Variants in SMOC2 observed in about 807,000 individuals in gnomAD.
The protein encoded by SMOC2 is SPARC-related modular calcium-binding protein 2.
Under a neutral mutation model 61.4 loss-of-function variants are expected in SMOC2, and 39 were observed. The ratio of observed to expected loss-of-function variants is 0.64; its 90% CI spans 0.49 to 0.83. SMOC2 has a LOEUF of 0.83. Ranked by LOEUF, SMOC2 falls within the 40% of genes least tolerant of loss-of-function variation. The pLI is 0.00. For missense variants in SMOC2, 556 were observed against 592.9 expected, an observed-to-expected ratio of 0.94 and a Z score of 0.65; for synonymous variants, 247 against 239.9, an observed-to-expected ratio of 1.03 and a Z score of -0.27.
Position 168,457,377 on chromosome 6 carries a change from G to A in SMOC2, c.84+15923G>A, listed in dbSNP as rs571110778. Among the ~76,000 whole-genome samples, 7 of 152,284 alleles carry A rather than the reference G, an allele frequency of 4.6e-5. No individual in the cohort carries two copies. In the South Asian group the frequency reaches 1.5e-3, roughly 32 times the overall value. ...CAACCCCACCTTCAACACAAGCAGT[G>A]CCCGAGGGGCTGGCTGACTGCGATG... is the stretch of plus-strand genomic sequence containing the variant. On this transcript the variant is annotated intron_variant, in intron 1 of 12. Coordinates refer to ENST00000356284, the MANE Select transcript of SMOC2 (RefSeq NM_001166412.2).
At chr6:168,458,063 A>G (rs1322485675) in intron 1 of SMOC2, among the ~76,000 whole-genome samples, 1 of 152,100 alleles carries the variant, frequency 6.6e-6, no homozygotes, top group African/African-American at 2.4e-5. Context: ...CTCCAAAACA[A>G]TTAAGCTCCT....
intron 1 of SMOC2, among the ~76,000 whole-genome samples, chr6:168,476,482 ATG>A (rs5881792): frequency 0.25 from 37,810 of 150,156 alleles, 6,874 homozygotes; most frequent in African/African-American, 0.5. Context: ...GTGTGTGTGT[ATG>A]TGTGTGTGTG....
chr6:168,519,051 G>A (rs1267986211), intron 2 of SMOC2, among the ~76,000 whole-genome samples: 15 of 151,456 alleles, frequency 9.9e-5, no homozygotes, highest in Non-Finnish European at 2.1e-4. Flanking sequence ...GCATGTGTGA[G>A]CATGCATATG....
intron 1 of SMOC2, among the ~76,000 whole-genome samples, chr6:168,470,239 T>C (rs1177009740): frequency 6.6e-6 from 1 of 152,252 alleles, no homozygotes; most frequent in Non-Finnish European, 1.5e-5. Context: ...CAGTCTCTGC[T>C]GTGAGTCCTT....
rs553534536 is a variant in SMOC2 at position 168,574,704 on chromosome 6, G to T, written c.638-24114G>T. Among the ~76,000 whole-genome samples, 10 of 152,236 alleles carry T rather than the reference G, an allele frequency of 6.6e-5. No homozygotes were observed. The South Asian group carries it at 2.1e-3, about 32-fold the overall frequency. On this transcript the variant is annotated intron_variant, in intron 7 of 12. Coordinates refer to ENST00000356284, the MANE Select transcript of SMOC2 (RefSeq NM_001166412.2). ...GGGTGACAGCACAGGATGAGGTGCA[G>T]ACCCATCCCGAACTGCCGGACTCGG...
intron 9 of SMOC2, among the ~76,000 whole-genome samples, chr6:168,648,634 C>T (rs180917782): frequency 1.0e-3 from 157 of 152,318 alleles, no homozygotes; most frequent in Middle Eastern, 6.8e-3. Flanking sequence ...GCATTTGCCC[C>T]GTGGCCGTGA....
chr6:168,461,411 C>G (rs918506292), intron 1 of SMOC2, among the ~76,000 whole-genome samples: 3 of 152,138 alleles, frequency 2.0e-5, no homozygotes, highest in Non-Finnish European at 4.4e-5. Flanking sequence ...TGGGTACACT[C>G]TGAATTGCAA....
At chr6:168,611,262 C>A (rs112083873) in intron 9 of SMOC2, among the ~76,000 whole-genome samples, 1 of 105,174 alleles carries the variant, frequency 9.5e-6, no homozygotes, top group South Asian at 3.6e-4. Flanking sequence ...TTCCCATGTC[C>A]GGGACCCACC....
At position 168,540,821 on chromosome 6, in the gene SMOC2, C is replaced by T. The variant is rs535616567; in HGVS notation, c.464-2804C>T. 5.9e-5 allele frequency among the ~76,000 whole-genome samples: 9 copies of T among 152,258 alleles called. No homozygotes were observed. In the South Asian group the frequency reaches 6.2e-4, roughly 11 times the overall value. Reference sequence around the variant, plus strand: ...ACCTGCCCCCAGGATGTGAAGTTCTCGGAAGGGGTGAGCCGCAGGCTTGTT... The same window carrying T: ...ACCTGCCCCCAGGATGTGAAGTTCTTGGAAGGGGTGAGCCGCAGGCTTGTT... On this transcript the variant is annotated intron_variant, in intron 4 of 12. Coordinates refer to ENST00000356284, the MANE Select transcript of SMOC2 (RefSeq NM_001166412.2).
intron 7 of SMOC2, among the ~76,000 whole-genome samples, chr6:168,570,540 A>C (rs1784641682): frequency 6.6e-6 from 1 of 152,174 alleles, no homozygotes; most frequent in Non-Finnish European, 1.5e-5. Flanking sequence ...TGTGTGGGAT[A>C]TATTTCACCT....
At chr6:168,646,358 T>C (rs1787029224) in intron 9 of SMOC2, among the ~76,000 whole-genome samples, 1 of 152,200 alleles carries the variant, frequency 6.6e-6, no homozygotes, top group Non-Finnish European at 1.5e-5. Flanking sequence ...TCAGCTCCAC[T>C]TTCTCCTGTG....
chr6:168,459,664 A>C (rs1222419643), intron 1 of SMOC2, among the ~76,000 whole-genome samples: 1 of 56,808 alleles, frequency 1.8e-5, no homozygotes. Flanking sequence ...GTGGGTGAGC[A>C]CTGGAGTGGG....
At chr6:168,664,573 G>T in intron 12 of SMOC2, 1 of 386,864 alleles carries the variant, frequency 2.6e-6, no homozygotes, top group South Asian at 2.0e-5. Context: ...TTGTCAGGGA[G>T]GTTGCAGGAA....
In SMOC2 at chr6:168,650,723, T is replaced by C; in HGVS notation, c.950T>C (p.Leu317Pro). ...AKKHEFLTSV[L>P]DALSTDMVHA... ...AAGCATGAGTTTCTGACCAGCGTTC[T>C]GGACGCGCTGTCCACGGACATGGTC... The change falls in exon 10 of 13, where the codon CTG (leucine) becomes CCG (proline). Residue 317 changes from leucine (L) to proline (P), a missense_variant. By Grantham distance (98) the Leu-to-Pro change is moderately conservative. Transcript: ENST00000356284. The C allele has an allele frequency of 1.2e-6, 2 of 1,613,850 alleles. No individual in the cohort carries two copies. The highest frequency in any genetic ancestry group is 1.7e-6 in the Non-Finnish European group (2 of 1,180,008).
intron 1 of SMOC2, among the ~76,000 whole-genome samples, chr6:168,502,042 A>C (rs145430028): frequency 6.6e-6 from 1 of 152,080 alleles, no homozygotes; most frequent in Non-Finnish European, 1.5e-5. Context: ...CTTCTAATTT[A>C]GCTCCCTTTT....
chr6:168,647,317 C>G (rs566575921), intron 9 of SMOC2, among the ~76,000 whole-genome samples: 3 of 152,196 alleles, frequency 2.0e-5, no homozygotes, highest in African/African-American at 7.2e-5. Context: ...AGGCCGGGGG[C>G]GGAGTGTGCT....
In SMOC2 at chr6:168,552,762, T is replaced by C. The variant is rs536237014; in HGVS notation, c.637+3559T>C. On this transcript the variant is annotated intron_variant, in intron 7 of 12. Coordinates refer to ENST00000356284, the MANE Select transcript of SMOC2 (RefSeq NM_001166412.2). The stretch of plus-strand genomic sequence containing the variant: ...GTGGGGTTTGAACCAAATTGGGATC[T>C]GTAAGTCAGGCAGAATTCCTTCATA... Among the ~76,000 whole-genome samples, 14 of 152,250 alleles carry C rather than the reference T, an allele frequency of 9.2e-5. No homozygotes were observed. The South Asian group carries it at 2.7e-3, about 29-fold the overall frequency.
intron 9 of SMOC2, among the ~76,000 whole-genome samples, chr6:168,646,738 C>G (rs1456999795): frequency 1.3e-5 from 2 of 152,116 alleles, no homozygotes; most frequent in Non-Finnish European, 2.9e-5. Flanking sequence ...TGGATGAGCT[C>G]TGGGGTTGAG....
chr6:168,589,646 T>C (rs112209313), intron 7 of SMOC2, among the ~76,000 whole-genome samples: 179 of 109,308 alleles, frequency 1.6e-3, no homozygotes, highest in Middle Eastern at 0.011. Flanking sequence ...GGGCAGCCGG[T>C]CTGGTGGTGG....
Sources: gnomAD v4.1 joint callset for allele counts (sites outside exome capture counted in the v4.1 genomes callset) on GRCh38, gnomAD v4.1.1 for gene constraint, MANE v1.5 for transcripts, NCBI Gene and HGNC (gene_info 2026-07-23, HGNC 2026-07-21) for gene names.